Variants in ABHD17B observed in about 807,000 individuals in gnomAD.
The protein encoded by ABHD17B is abhydrolase domain containing 17B, depalmitoylase.
ABHD17B carries 9 observed loss-of-function variants against 26.2 expected under a neutral mutation model. The ratio of observed to expected loss-of-function variants is 0.34; its 90% CI spans 0.21 to 0.60. ABHD17B has a LOEUF of 0.60. Ranked by LOEUF, ABHD17B falls within the 20% of genes least tolerant of loss-of-function variation. ABHD17B has a pLI of 0.80. For synonymous variants in ABHD17B, 127 were observed against 122.3 expected, an observed-to-expected ratio of 1.04 and a Z score of -0.25; for missense variants, 224 against 352.1, an observed-to-expected ratio of 0.64 and a Z score of 2.91.
At chr9:71,891,417 TC>T (rs1826778900) in intron 1 of ABHD17B, among the ~76,000 whole-genome samples, 1 of 152,234 alleles carries the variant, frequency 6.6e-6, no homozygotes, top group African/African-American at 2.4e-5. Context: ...TCTTCTCTGT[TC>T]CATGTGGAAT....
intron 1 of ABHD17B, among the ~76,000 whole-genome samples, chr9:71,886,452 C>G (rs2132168816): frequency 6.6e-6 from 1 of 150,974 alleles, no homozygotes; most frequent in Non-Finnish European, 1.5e-5. Context: ...CACTAACTCA[C>G]TAACTACAAC....
chr9:71,881,742 C>T (rs1826447205), intron 1 of ABHD17B, among the ~76,000 whole-genome samples: 2 of 151,938 alleles, frequency 1.3e-5, no homozygotes, highest in South Asian at 2.1e-4. Flanking sequence ...AAAAATTAGC[C>T]GGGCATGGTG....
chr9:71,874,678 C>T lies in ABHD17B; in HGVS notation c.403G>A (p.Gly135Arg). The change falls in exon 2 of 4, where the codon GGG becomes AGG. Residue 135 changes from glycine (G) to arginine (R), a missense_variant. Physicochemically the swap from Gly to Arg is moderately radical, Grantham distance 125 (BLOSUM62 -2). Transcript: ENST00000333421. ...TAGAGGTTCTTCTCTGTGGGTTTCC[C>T]GGAACTGGCACCATATCCAGAATAA... ...YDYSGYGASS[G>R]KPTEKNLYAD... The T allele has an allele frequency of 2.5e-6, 4 of 1,613,222 alleles. No homozygotes were observed. The highest frequency in any genetic ancestry group is 1.1e-5 in the South Asian group (1 of 90,928).
At chr9:71,890,665 G>A (rs1162519644) in intron 1 of ABHD17B, among the ~76,000 whole-genome samples, 2 of 152,138 alleles carry the variant, frequency 1.3e-5, no homozygotes, top group Admixed American at 6.5e-5. Context: ...AAGTGTCAAG[G>A]TGTTTACATT....
intron 1 of ABHD17B, among the ~76,000 whole-genome samples, chr9:71,887,765 T>C (rs1240621771): frequency 6.6e-6 from 1 of 152,216 alleles, no homozygotes; most frequent in Non-Finnish European, 1.5e-5. Flanking sequence ...AAAGTACATA[T>C]ACGTAAATCT....
intron 1 of ABHD17B, among the ~76,000 whole-genome samples, chr9:71,906,051 A>G (rs1827273345): frequency 6.6e-6 from 1 of 152,046 alleles, no homozygotes; most frequent in South Asian, 2.1e-4. Flanking sequence ...TCTGTCTCAA[A>G]AAATAAATAA....
intron 1 of ABHD17B, among the ~76,000 whole-genome samples, chr9:71,892,077 G>A (rs1228461475): frequency 1.3e-5 from 2 of 152,152 alleles, no homozygotes; most frequent in East Asian, 3.8e-4. Context: ...TTTCTACAAA[G>A]TGAAAAGCAT....
chr9:71,907,538 T>C (rs1292125244), intron 1 of ABHD17B, among the ~76,000 whole-genome samples: 1 of 151,922 alleles, frequency 6.6e-6, no homozygotes, highest in African/African-American at 2.4e-5. Context: ...TGAGACAGAG[T>C]TTTGCTCTTG....
rs534670873 is a variant in ABHD17B at position 71,868,105 on chromosome 9, G to A, written c.648-1099C>T. Among the ~76,000 whole-genome samples the A allele has an allele frequency of 8.6e-5, 13 of 151,154 alleles. No homozygotes were observed. In the South Asian group the frequency reaches 2.7e-3, roughly 32 times the overall value. Reference sequence around the variant, plus strand: ...ATGATGGCGCATGCCTGTAATCCCAGCTACTCGCGAGGCTGAGGCAGGAGA... The same window carrying A: ...ATGATGGCGCATGCCTGTAATCCCAACTACTCGCGAGGCTGAGGCAGGAGA... On this transcript the variant is annotated intron_variant, in intron 3 of 3. Transcript: ENST00000333421.
At chr9:71,909,987 A>G (rs1432039870) in intron 1 of ABHD17B, among the ~76,000 whole-genome samples, 2 of 152,158 alleles carry the variant, frequency 1.3e-5, no homozygotes, top group Non-Finnish European at 2.9e-5. Context: ...AAAAATCCCA[A>G]ACAAAACCTT....
At chr9:71,886,779 T>C (rs925466686) in intron 1 of ABHD17B, among the ~76,000 whole-genome samples, 3 of 152,098 alleles carry the variant, frequency 2.0e-5, no homozygotes, top group African/African-American at 7.2e-5. Context: ...GGCTCAAAAT[T>C]CAGGTGACTT....
chr9:71,886,870 A>G (rs1289508758), intron 1 of ABHD17B, among the ~76,000 whole-genome samples: 2 of 152,166 alleles, frequency 1.3e-5, no homozygotes, highest in Non-Finnish European at 2.9e-5. Context: ...CGGAGAAAAA[A>G]TTTAAAAATA....
intron 1 of ABHD17B, among the ~76,000 whole-genome samples, chr9:71,898,741 C>T (rs1340280002): frequency 2.7e-5 from 4 of 150,588 alleles, no homozygotes; most frequent in Admixed American, 2.0e-4. Context: ...CTCCCACCTG[C>T]AATCCCAGCA....
chr9:71,868,780 C>T (rs1039025808), intron 3 of ABHD17B, among the ~76,000 whole-genome samples: 1 of 152,148 alleles, frequency 6.6e-6, no homozygotes, highest in African/African-American at 2.4e-5. Flanking sequence ...TCTCTGTCTC[C>T]CAGGTTCAAG....
intron 1 of ABHD17B, among the ~76,000 whole-genome samples, chr9:71,878,986 T>A (rs1375700459): frequency 6.6e-6 from 1 of 152,236 alleles, no homozygotes; most frequent in Middle Eastern, 3.4e-3. Context: ...CAAAACTCCA[T>A]CTCTATAAAA....
rs1180729763 is a variant in ABHD17B, at chr9:71,894,087, C to CAA, written c.-4+16545_-4+16546dup. Among the ~76,000 whole-genome samples the CAA allele has an allele frequency of 1.9e-3, 100 of 52,324 alleles. 12 individuals carry two copies. The highest frequency in any genetic ancestry group is 8.3e-3 in the African/African-American group (97 of 11,630). 34.3% of individuals were successfully genotyped at this position (52,324 alleles called of 152,430 possible). ...TGGGCGACAGAGCGAGACTCTATCTCAAAAAAAAAAAAAAAAAAAAAAAAA... is the reference window on the plus strand; with the variant it reads ...TGGGCGACAGAGCGAGACTCTATCTCAAAAAAAAAAAAAAAAAAAAAAAAAAA... On this transcript the variant is annotated intron_variant, in intron 1 of 3. Coordinates refer to ENST00000333421, the MANE Select transcript of ABHD17B (RefSeq NM_001025780.3).
intron 2 of ABHD17B, among the ~76,000 whole-genome samples, chr9:71,874,203 GA>G (rs970121336): frequency 1.4e-5 from 2 of 147,262 alleles, no homozygotes; most frequent in Admixed American, 1.4e-4. Flanking sequence ...AACTTTTTAA[GA>G]GATGAGGTCT....
intron 1 of ABHD17B, chr9:71,902,347 G>A (rs1317452830): frequency 1.3e-5 from 2 of 152,154 alleles, no homozygotes; most frequent in Non-Finnish European, 2.9e-5. Flanking sequence ...CATTACCCTA[G>A]GGGTTTGTAT....
chr9:71,884,604 CAAAGGGGT>C (rs1360825331), intron 1 of ABHD17B, among the ~76,000 whole-genome samples: 1 of 146,934 alleles, frequency 6.8e-6, no homozygotes, highest in African/African-American at 2.5e-5. Flanking sequence ...ATATGCTTAC[CAAAGGGGT>C]AATGGGGATG....
Sources: gnomAD v4.1 joint callset for allele counts (sites outside exome capture counted in the v4.1 genomes callset) on GRCh38, gnomAD v4.1.1 for gene constraint, MANE v1.5 for transcripts, NCBI Gene and HGNC (gene_info 2026-07-23, HGNC 2026-07-21) for gene names.